FARP1: variants seen among roughly 807,000 people sequenced by gnomAD.
The protein encoded by FARP1 is FERM, ARHGEF and pleckstrin domain-containing protein 1.
Under a neutral mutation model 128.8 loss-of-function variants are expected in FARP1, and 52 were observed. The ratio of observed to expected loss-of-function variants is 0.40; its 90% confidence interval spans 0.32 to 0.51. The LOEUF is 0.51. Among genes scored for constraint, FARP1 ranks in the 20% least tolerant of loss-of-function variants. The probability of loss-of-function intolerance (pLI) is 0.45; values close to 1 mark genes in which losing one functional copy is unlikely to be tolerated. For synonymous variants in FARP1, 580 were observed against 551.8 expected (o/e 1.05, Z -0.72); for missense variants, 1,333 against 1,367.9 (o/e 0.97, Z 0.40).
In FARP1 at chr13:98,143,119, G is replaced by C. The variant is rs1173560006; in HGVS notation, c.-397G>C. 1 of 147,728 alleles carries C rather than the reference G, an allele frequency of 6.8e-6. No homozygotes were observed. 9.2% of individuals were successfully genotyped at this position (147,728 alleles called of 1,614,324 possible). ...GCACTTCCCGCTCGCCGGCCTCAGA[G>C]GCGGCGGGTCCGGCGCGGGCGCAGC... is the stretch of plus-strand genomic sequence containing the variant. On this transcript the variant is annotated 5_prime_UTR_variant, in exon 1 of 27. Transcript: ENST00000319562.
Position 98,413,803 on chromosome 13 carries a change from C to G in FARP1, c.1826+1769C>G, listed in dbSNP as rs556457806. Reference sequence around the variant, plus strand: ...TAATGGGGTCAAAGACCTTACAACTCTGGAGAACCCATTTGGCAGTTTGTT... The same window carrying G: ...TAATGGGGTCAAAGACCTTACAACTGTGGAGAACCCATTTGGCAGTTTGTT... On this transcript the variant is annotated intron_variant, in intron 16 of 26. Coordinates refer to ENST00000319562, the MANE Select transcript of FARP1 (RefSeq NM_005766.4). Among the ~76,000 whole-genome samples the G allele has an allele frequency of 2.0e-5, 3 of 152,320 alleles. No homozygotes were observed. The East Asian group carries it at 5.8e-4, about 29-fold the overall frequency.
At chr13:98,412,749 C>T (rs1210647992) in intron 16 of FARP1, among the ~76,000 whole-genome samples, 1 of 152,228 alleles carries the variant, frequency 6.6e-6, no homozygotes, top group African/African-American at 2.4e-5. Flanking sequence ...GAATCCTCTA[C>T]ACCTTTACCT....
chr13:98,380,755 T>G (rs1889863687), intron 6 of FARP1, among the ~76,000 whole-genome samples: 1 of 152,102 alleles, frequency 6.6e-6, no homozygotes, highest in Non-Finnish European at 1.5e-5. Flanking sequence ...TTCTTTTATT[T>G]TTTTGTAGAG....
chr13:98,447,412 TG>T (rs1892916244), intron 26 of FARP1: 1 of 152,486 alleles, frequency 6.6e-6, no homozygotes, highest in African/African-American at 2.4e-5. Flanking sequence ...GCTCGAGAGC[TG>T]GGTTGAGAGC....
chr13:98,269,807 G>C lies in FARP1; in HGVS notation c.171+56394G>C, dbSNP rs531676869. Among the ~76,000 whole-genome samples, 25 of 152,340 alleles carry C rather than the reference G, an allele frequency of 1.6e-4. No homozygotes were observed. The Middle Eastern group carries it at 0.02, about 124-fold the overall frequency. On this transcript the variant is annotated intron_variant, in intron 2 of 26. Transcript: ENST00000319562. ...TTGGTTCAGGTAAGAATAAAATTCA[G>C]TTGTTATTTATTTAAGACTTACCAT...
chr13:98,231,640 T>A (rs1882121218), intron 2 of FARP1, among the ~76,000 whole-genome samples: 1 of 152,002 alleles, frequency 6.6e-6, no homozygotes, highest in Non-Finnish European at 1.5e-5. Context: ...GGTTCCACCA[T>A]GTTGGCCAGG....
chr13:98,395,659 T>C, intron 13 of FARP1, 183 bp downstream of exon 13: 2 of 707,336 alleles, frequency 2.8e-6, no homozygotes, highest in Middle Eastern at 4.1e-4. Flanking sequence ...CTATCTGCTG[T>C]CCAGGGAGGA....
intron 2 of FARP1, among the ~76,000 whole-genome samples, chr13:98,258,073 A>G (rs2139523006): frequency 6.6e-6 from 1 of 151,976 alleles, no homozygotes; most frequent in Middle Eastern, 3.4e-3. Context: ...TCCTGGGTTC[A>G]CGCCATTCTC....
At chr13:98,226,310 C>A (rs1247005364) in intron 2 of FARP1, among the ~76,000 whole-genome samples, 2 of 152,166 alleles carry the variant, frequency 1.3e-5, no homozygotes, top group African/African-American at 4.8e-5. Flanking sequence ...GTCATCTTCA[C>A]GTGATTTTCT....
intron 2 of FARP1, among the ~76,000 whole-genome samples, chr13:98,231,796 T>C (rs1882129973): frequency 6.6e-6 from 1 of 152,192 alleles, no homozygotes; most frequent in African/African-American, 2.4e-5. Flanking sequence ...GAGAATAAAA[T>C]ATCCTCTTTA....
At chr13:98,412,773 T>G (rs1891238929) in intron 16 of FARP1, among the ~76,000 whole-genome samples, 1 of 152,262 alleles carries the variant, frequency 6.6e-6, no homozygotes, top group Non-Finnish European at 1.5e-5. Flanking sequence ...ATAGAAGGTT[T>G]TGTAGACAAA....
chr13:98,411,947 T>C lies in FARP1; in HGVS notation c.1739T>C (p.Leu580Pro). ...VSKEDAMPEALKSLIFPNFEP... is the reference protein window; with the variant it reads ...VSKEDAMPEAPKSLIFPNFEP... ...AAAGAGGACGCCATGCCGGAAGCAC[T>C]GAAAAGTCTCATATTCCCGAATTTT... is the stretch of plus-strand genomic sequence containing the variant. Residue 580 changes from leucine to proline, a missense_variant, in exon 16 of 27, where the codon CTG (leucine) becomes CCG (proline). Physicochemically the swap from Leu to Pro is moderately conservative, Grantham distance 98. Transcript: ENST00000319562. 1 of 1,614,130 alleles carries C rather than the reference T, an allele frequency of 6.2e-7. No homozygotes were observed. The highest frequency in any genetic ancestry group is 8.5e-7 in the Non-Finnish European group (1 of 1,179,962).
chr13:98,389,987 A>C lies in FARP1; in HGVS notation c.886A>C (p.Met296Leu). The change falls in exon 10 of 27, where the codon ATG (methionine) becomes CTG (leucine). Residue 296 changes from methionine (M) to leucine (L), a missense_variant. By Grantham distance (15) the Met-to-Leu change is conservative. This residue lies in a region of FARP1 where 324 missense variants were observed against 398.1 expected (regional missense o/e 0.81). Transcript: ENST00000319562. ...GTACCAGGATACCTTGGAATTCCTG[A>C]TGGCCAGTCGGGATTTCTGCAAGTC... ...SAYQDTLEFL[M>L]ASRDFCKSFW... 1 of 1,614,140 alleles carries C rather than the reference A, an allele frequency of 6.2e-7. No homozygotes were observed. Among genetic ancestry groups the C allele is most frequent in the Admixed American group, 1.7e-5 (1 of 60,024 alleles).
chr13:98,373,208 C>G (rs1889424688), intron 5 of FARP1, among the ~76,000 whole-genome samples: 1 of 152,142 alleles, frequency 6.6e-6, no homozygotes. Flanking sequence ...CACCAAAGGT[C>G]CCCAGAGCCT....
intron 1 of FARP1, among the ~76,000 whole-genome samples, chr13:98,153,937 A>T (rs1318058794): frequency 6.6e-6 from 1 of 152,098 alleles, no homozygotes; most frequent in African/African-American, 2.4e-5. Context: ...GTCAATTTAG[A>T]ACATTCCCTT....
intron 26 of FARP1, 147 bp downstream of exon 26, chr13:98,446,964 C>G: frequency 1.3e-6 from 1 of 779,838 alleles, no homozygotes. Flanking sequence ...TGCCCGACAC[C>G]AGCAGGCGAT....
intron 2 of FARP1, among the ~76,000 whole-genome samples, chr13:98,216,626 A>G (rs1349835962): frequency 6.6e-6 from 1 of 152,138 alleles, no homozygotes; most frequent in African/African-American, 2.4e-5. Context: ...TAAAATGCAA[A>G]TCCCCTAAAC....
At chr13:98,311,651 G>A (rs1288996385) in intron 2 of FARP1, among the ~76,000 whole-genome samples, 1 of 151,916 alleles carries the variant, frequency 6.6e-6, no homozygotes, top group African/African-American at 2.4e-5. Flanking sequence ...CTGGTTGGTG[G>A]CCCTTTCTTA....
chr13:98,145,829 T>C (rs1166777211), intron 1 of FARP1, among the ~76,000 whole-genome samples: 4 of 139,330 alleles, frequency 2.9e-5, no homozygotes, highest in Non-Finnish European at 6.0e-5. Context: ...GCCACTGCAC[T>C]CCAGCCTGGG....
Sources: gnomAD v4.1 joint callset for allele counts (sites outside exome capture counted in the v4.1 genomes callset) on GRCh38, gnomAD v4.1.1 for gene constraint, gnomAD v4.1.1 regional missense constraint, MANE v1.5 for transcripts, NCBI Gene and HGNC (gene_info 2026-07-23, HGNC 2026-07-21) for gene names.